Variants in AIFM1 observed in about 807,000 individuals in gnomAD.
AIFM1 encodes the protein apoptosis inducing factor mitochondria associated 1.
AIFM1 carries 3 observed loss-of-function variants against 51.7 expected under a neutral mutation model. The ratio of observed to expected loss-of-function variants is 0.06; its 90% confidence interval spans 0.03 to 0.15. The LOEUF (loss-of-function observed/expected upper bound fraction) is 0.15. AIFM1 is among the 10% of genes least tolerant of loss of function. AIFM1 has a pLI of 1.00. For missense variants in AIFM1, 330 were observed against 476.8 expected, an observed-to-expected ratio of 0.69 and a Z score of 2.87; for synonymous variants, 178 against 179.4, an observed-to-expected ratio of 0.99 and a Z score of 0.06.
At chrX:130,144,279 T>C (rs1014699344) in intron 6 of AIFM1, among the ~76,000 whole-genome samples, 2 of 111,524 alleles carry the variant, frequency 1.8e-5, no homozygotes, top group Non-Finnish European at 3.8e-5. Flanking sequence ...TAGTCTTGTC[T>C]CACTGAAATC....
At chrX:130,158,113 A>C (rs1333917028) in intron 1 of AIFM1, among the ~76,000 whole-genome samples, 2 of 105,394 alleles carry the variant, frequency 1.9e-5, no homozygotes, top group African/African-American at 7.0e-5. Flanking sequence ...AAATACAAAA[A>C]ATTAGCCGGG....
intron 2 of AIFM1, among the ~76,000 whole-genome samples, chrX:130,153,193 A>T (rs1246252233): frequency 2.1e-4 from 22 of 104,585 alleles, no homozygotes; most frequent in Non-Finnish European, 2.0e-5. Flanking sequence ...AAAAAAAAAA[A>T]AAAAAAATTA....
intron 1 of AIFM1, among the ~76,000 whole-genome samples, chrX:130,161,272 G>C (rs1338923605): frequency 9.1e-6 from 1 of 110,443 alleles, no homozygotes. Context: ...CAGCACTTTG[G>C]GAGGCCGAGG....
At chrX:130,140,439 T>C (rs1451452515) in intron 7 of AIFM1, 94 bp downstream of exon 7, 4 of 776,707 alleles carry the variant, frequency 5.1e-6, no homozygotes, top group African/African-American at 4.1e-5. Flanking sequence ...GGGTTTCCAT[T>C]TTCTTAAGTA....
chrX:130,130,208 C>A (rs201222453), intron 14 of AIFM1, 42 bp from the exon 15 acceptor site: 26 of 1,190,823 alleles, frequency 2.2e-5, no homozygotes, highest in Non-Finnish European at 2.5e-5. Context: ...GAAGCAAAAT[C>A]AAAACTTCAG....
intron 2 of AIFM1, among the ~76,000 whole-genome samples, chrX:130,149,973 A>T (rs1171226748): frequency 3.6e-5 from 4 of 112,192 alleles, no homozygotes; most frequent in Non-Finnish European, 5.6e-5. Flanking sequence ...ATCAATCTAT[A>T]GGGTCCCGGG....
At chrX:130,141,227 G>A (rs1364845430) in intron 6 of AIFM1, among the ~76,000 whole-genome samples, 3 of 111,957 alleles carry the variant, frequency 2.7e-5, no homozygotes, top group Non-Finnish European at 5.6e-5. Flanking sequence ...GACCTAAAGC[G>A]ATCCTTAAGA....
At chrX:130,129,888 T>A in intron 15 of AIFM1, 82 bp downstream of exon 15, 1 of 1,133,162 alleles carries the variant, frequency 8.8e-7, no homozygotes, top group Non-Finnish European at 1.2e-6. Context: ...GGACAATGCA[T>A]CTCAGGGCAC....
rs1442780657 is a variant in AIFM1, at chrX:130,150,577, T to C, written c.250-1009A>G. On this transcript the variant is annotated intron_variant, in intron 2 of 15. Transcript: ENST00000287295. ...GTCTCGATCTCCTGACCTCGTGATC[T>C]GCCCGCCTCGGCCTCCCAAAGTGCT... 9.5e-5 allele frequency among the ~76,000 whole-genome samples: 10 copies of C among 105,679 alleles called. No homozygotes were observed. The East Asian group carries it at 1.8e-3, about 19-fold the overall frequency. The allele number at this position is 105,679 out of a possible 115,157, so 91.8% of individuals were successfully genotyped here.
At chrX:130,143,473 C>A (rs1437913406) in intron 6 of AIFM1, among the ~76,000 whole-genome samples, 1 of 111,270 alleles carries the variant, frequency 9.0e-6, no homozygotes, top group Non-Finnish European at 1.9e-5. Context: ...CATCTTCTAC[C>A]TTTAACCAAC....
intron 11 of AIFM1, 91 bp downstream of exon 11, chrX:130,136,552 A>C: frequency 1.2e-6 from 1 of 804,414 alleles, no homozygotes; most frequent in African/African-American, 2.0e-5. Flanking sequence ...CAGGAAAACT[A>C]ATCTACTGGT....
chrX:130,134,169 G>A (rs1397382156), intron 12 of AIFM1, among the ~76,000 whole-genome samples: 3 of 109,437 alleles, frequency 2.7e-5, no homozygotes, highest in Non-Finnish European at 5.7e-5. Flanking sequence ...CCCAGGAGGC[G>A]GAGGTTGCAG....
rs1223488720 is a variant in AIFM1 at position 130,136,062 on chromosome X, G to A, written c.1288C>T (p.Arg430Cys). ...GFRVNAELQA[R>C]SNIWVAGDAA... ...ACACTTACCACCCAGATGTTAGAGC[G>A]TGCTTGTAGCTCTGCATTTACCCGG... Residue 430 changes from arginine (R) to cysteine (C), a missense_variant, in exon 12 of 16, where the codon CGC becomes TGC. Physicochemically the swap from Arg to Cys is radical, Grantham distance 180 (BLOSUM62 -3). This residue lies in a region of AIFM1 where 152 missense variants were observed against 292.8 expected (regional missense o/e 0.52). Coordinates refer to ENST00000287295, the MANE Select transcript of AIFM1 (RefSeq NM_004208.4). The A allele has an allele frequency of 1.7e-6, 2 of 1,209,998 alleles. No individual in the cohort carries two copies. The highest frequency in any genetic ancestry group is 2.2e-6 in the Non-Finnish European group (2 of 895,216).
At chrX:130,139,626 T>A (rs189094186) in intron 8 of AIFM1, among the ~76,000 whole-genome samples, 169 bp downstream of exon 8, 42 of 110,966 alleles carry the variant, frequency 3.8e-4, no homozygotes, top group African/African-American at 1.3e-3. Flanking sequence ...GAGTGAGGTA[T>A]CTGAGGTGCA....
At chrX:130,150,992 A>G (rs1244783883) in intron 2 of AIFM1, among the ~76,000 whole-genome samples, 1 of 104,432 alleles carries the variant, frequency 9.6e-6, no homozygotes, top group Non-Finnish European at 2.0e-5. Flanking sequence ...AAAAAAAAAA[A>G]AAAGAAAAGA....
Position 130,145,486 on chromosome X carries a change from C to G in AIFM1, c.689G>C (p.Gly230Ala). ...IENGGVAVLT[G>A]KKVVQLDVRD... is the part of the protein sequence containing the mutation. ...AGCGGTCTACTAGCTCACCTTCTTC[C>G]CAGTGAGGACAGCCACACCACCATT... is the stretch of plus-strand genomic sequence containing the variant. The change falls in exon 6 of 16, where the codon GGG becomes GCG. Residue 230 changes from glycine (G) to alanine (A), a missense_variant. Physicochemically the swap from Gly to Ala is moderately conservative, Grantham distance 60 (BLOSUM62 0). This residue lies in a region of AIFM1 where 152 missense variants were observed against 292.8 expected (regional missense o/e 0.52). Transcript: ENST00000287295. 8.3e-7 allele frequency: 1 copy of G among 1,207,299 alleles called. No homozygotes were observed. Among genetic ancestry groups the G allele is most frequent in the Admixed American group, 2.2e-5 (1 of 45,980 alleles).
At chrX:130,135,047 CCTT>C (rs2030266713) in intron 12 of AIFM1, among the ~76,000 whole-genome samples, 1 of 110,261 alleles carries the variant, frequency 9.1e-6, no homozygotes. Context: ...TCTCCTCTCT[CCTT>C]CTTGTCTGTC....
chrX:130,162,193 A>G (rs1260716605), intron 1 of AIFM1, among the ~76,000 whole-genome samples: 1 of 112,112 alleles, frequency 8.9e-6, no homozygotes, highest in Non-Finnish European at 1.9e-5. Context: ...ATTTAGGAGA[A>G]TGGCTGCTAC....
chrX:130,160,346 C>A (rs912931172), intron 1 of AIFM1, among the ~76,000 whole-genome samples: 8 of 111,531 alleles, frequency 7.2e-5, no homozygotes, highest in African/African-American at 2.6e-4. Context: ...CCAACTTACT[C>A]CTTGACTTTT....
Sources: gnomAD v4.1 joint callset for allele counts (sites outside exome capture counted in the v4.1 genomes callset) on GRCh38, gnomAD v4.1.1 for gene constraint, gnomAD v4.1.1 regional missense constraint, MANE v1.5 for transcripts, NCBI Gene and HGNC (gene_info 2026-07-23, HGNC 2026-07-21) for gene names.